The following CHN1 variants were observed in gnomAD, a reference collection of about 807,000 sequenced individuals.
CHN1 encodes the protein chimerin 1, also known as N-chimaerin.
In CHN1, 37 loss-of-function variants were observed where a neutral mutation model predicts 59.5. The observed-to-expected ratio is 0.62, with a 90% CI of 0.48 to 0.82. The LOEUF is 0.82. Among genes scored for constraint, CHN1 ranks in the 40% least tolerant of loss-of-function variants. The pLI is 0.00. For synonymous variants in CHN1, 206 were observed against 200.4 expected, an observed-to-expected ratio of 1.03 and a Z score of -0.24; for missense variants, 469 against 571.0, an observed-to-expected ratio of 0.82 and a Z score of 1.82.
At chr2:174,801,017 T>C (rs1301780730) in intron 12 of CHN1, among the ~76,000 whole-genome samples, 1 of 152,222 alleles carries the variant, frequency 6.6e-6, no homozygotes, top group Non-Finnish European at 1.5e-5. Context: ...CACATACGTA[T>C]TTTTGTTTCT....
At chr2:174,887,139 G>A (rs917549822) in intron 5 of CHN1, among the ~76,000 whole-genome samples, 11 of 152,184 alleles carry the variant, frequency 7.2e-5, no homozygotes, top group Admixed American at 5.2e-4. Context: ...AGCTGATGGC[G>A]ATTCTTCTTA....
chr2:174,892,876 T>C (rs770852777), intron 5 of CHN1, among the ~76,000 whole-genome samples: 3 of 152,140 alleles, frequency 2.0e-5, no homozygotes, highest in Non-Finnish European at 2.9e-5. Context: ...ATCACCTCAA[T>C]TGATGCAGGA....
At chr2:174,899,257 T>C (rs1033128224) in intron 5 of CHN1, among the ~76,000 whole-genome samples, 5 of 152,196 alleles carry the variant, frequency 3.3e-5, no homozygotes, top group African/African-American at 1.2e-4. Context: ...AGAGTCACAG[T>C]ATAGGTAAGT....
At chr2:174,875,521 A>C (rs1687541835) in intron 6 of CHN1, among the ~76,000 whole-genome samples, 1 of 152,180 alleles carries the variant, frequency 6.6e-6, no homozygotes, top group South Asian at 2.1e-4. Flanking sequence ...AAGCTAGGGA[A>C]ATACAGTTTC....
At chr2:174,969,646 C>T (rs748173429) in intron 1 of CHN1, among the ~76,000 whole-genome samples, 1 of 152,158 alleles carries the variant, frequency 6.6e-6, no homozygotes, top group Non-Finnish European at 1.5e-5. Flanking sequence ...CTTAGTGAAG[C>T]CTTCCTTGTC....
At chr2:174,939,748 C>T (rs956448213) in intron 3 of CHN1, among the ~76,000 whole-genome samples, 4 of 152,068 alleles carry the variant, frequency 2.6e-5, no homozygotes, top group African/African-American at 9.7e-5. Context: ...TTTAATCATC[C>T]TTGATCACAG....
Position 175,004,776 on chromosome 2 carries a change from C to T in CHN1, c.19+118G>A, listed in dbSNP as rs867358984. 6 of 401,776 alleles carry T rather than the reference C, an allele frequency of 1.5e-5. No homozygotes were observed. The South Asian group carries it at 6.0e-4, about 40-fold the overall frequency. 24.9% of individuals were successfully genotyped at this position (401,776 alleles called of 1,614,324 possible). A position where few individuals can be genotyped will look rare whatever the true frequency, so the allele number is the denominator to read the frequency against. On this transcript the variant is annotated intron_variant, in intron 1 of 12. Transcript: ENST00000409900. ...GGGCGCCCCAACTCTGCGGCCCCGG[C>T]CCGCCCCGACCCCACGCGCCGCGCC...
At chr2:174,817,325 T>C (rs756881171) in intron 8 of CHN1, among the ~76,000 whole-genome samples, 3 of 152,192 alleles carry the variant, frequency 2.0e-5, no homozygotes, top group Non-Finnish European at 4.4e-5. Flanking sequence ...AAACTTGTTT[T>C]GTCATATTCT....
At position 174,867,798 on chromosome 2, in the gene CHN1, T is replaced by C. The variant is rs929703675; in HGVS notation, c.549+10042A>G. Among the ~76,000 whole-genome samples the C allele has an allele frequency of 5.9e-5, 9 of 152,310 alleles. No homozygotes were observed. In the East Asian group the frequency reaches 1.5e-3, roughly 26 times the overall value. ...ATAAAGCAAATTACAAAGTAGTTTA[T>C]ATAGAAGAAACATTCCTTGCCCCCA... On this transcript the variant is annotated intron_variant, in intron 6 of 12. Transcript: ENST00000409900.
intron 7 of CHN1, among the ~76,000 whole-genome samples, chr2:174,840,020 TCTGA>T (rs1686233998): frequency 6.6e-6 from 1 of 152,188 alleles, no homozygotes; most frequent in African/African-American, 2.4e-5. Context: ...CATACTCACT[TCTGA>T]CTGTCATTCT....
At chr2:174,842,510 C>T (rs1053463221) in intron 7 of CHN1, among the ~76,000 whole-genome samples, 1 of 152,076 alleles carries the variant, frequency 6.6e-6, no homozygotes, top group Non-Finnish European at 1.5e-5. Context: ...TAAGAGAACC[C>T]TTAGACCATG....
chr2:174,873,119 T>C (rs189564359), intron 6 of CHN1, among the ~76,000 whole-genome samples: 2 of 152,176 alleles, frequency 1.3e-5, no homozygotes, highest in Admixed American at 1.3e-4. Flanking sequence ...GTCTTCCTCA[T>C]AAATTACTAA....
At chr2:174,825,161 G>C (rs1457451664) in intron 7 of CHN1, among the ~76,000 whole-genome samples, 1 of 152,134 alleles carries the variant, frequency 6.6e-6, no homozygotes, top group Non-Finnish European at 1.5e-5. Flanking sequence ...ACAGTACTAT[G>C]ACATGAAAAG....
intron 1 of CHN1, among the ~76,000 whole-genome samples, chr2:175,000,162 A>G (rs938797485): frequency 1.2e-4 from 14 of 117,826 alleles, no homozygotes; most frequent in Non-Finnish European, 2.0e-4. Flanking sequence ...TTTTTTTGAG[A>G]TGGAGTCTCA....
chr2:174,842,699 C>G (rs1686355031), intron 7 of CHN1, among the ~76,000 whole-genome samples: 1 of 152,194 alleles, frequency 6.6e-6, no homozygotes, highest in Non-Finnish European at 1.5e-5. Flanking sequence ...CTTCAGTTCA[C>G]CAGACAGCAC....
intron 5 of CHN1, among the ~76,000 whole-genome samples, chr2:174,890,495 C>T (rs1469246085): frequency 6.6e-6 from 1 of 151,766 alleles, no homozygotes; most frequent in Non-Finnish European, 1.5e-5. Flanking sequence ...AAGTTCGGGA[C>T]CAGCATGGGC....
intron 1 of CHN1, among the ~76,000 whole-genome samples, chr2:175,004,048 T>C (rs1438648067): frequency 2.0e-5 from 3 of 152,212 alleles, no homozygotes; most frequent in African/African-American, 7.2e-5. Flanking sequence ...TACATATCAT[T>C]GTACTTTGCT....
chr2:174,921,873 T>C (rs948162401), intron 3 of CHN1, among the ~76,000 whole-genome samples: 1 of 152,114 alleles, frequency 6.6e-6, no homozygotes, highest in Admixed American at 6.5e-5. Flanking sequence ...GCCCAACAAA[T>C]GGGAATTATG....
chr2:174,865,569 A>G (rs1202751898), intron 6 of CHN1, among the ~76,000 whole-genome samples: 1 of 152,200 alleles, frequency 6.6e-6, no homozygotes, highest in Non-Finnish European at 1.5e-5. Context: ...AGTACTTCGC[A>G]CAGCTTCTGA....
Sources: gnomAD v4.1 joint callset for allele counts (sites outside exome capture counted in the v4.1 genomes callset) on GRCh38, gnomAD v4.1.1 for gene constraint, MANE v1.5 for transcripts, NCBI Gene and HGNC (gene_info 2026-07-23, HGNC 2026-07-21) for gene names.